Variants in ACSS3 observed in about 807,000 individuals in gnomAD.
ACSS3 encodes acyl-CoA synthetase short-chain family member 3, mitochondrial.
Under a neutral mutation model 84.2 loss-of-function variants are expected in ACSS3, and 64 were observed. That is an observed-to-expected ratio of 0.76 (90% CI 0.62 to 0.94). ACSS3 has a LOEUF of 0.94. ACSS3 is among the 40% of genes least tolerant of loss of function. ACSS3 has a pLI of 0.00. For missense variants in ACSS3, 815 were observed against 867.6 expected, an observed-to-expected ratio of 0.94 and a Z score of 0.76; for synonymous variants, 317 against 310.1, an observed-to-expected ratio of 1.02 and a Z score of -0.23.
intron 4 of ACSS3, among the ~76,000 whole-genome samples, chr12:81,142,010 G>A (rs1171066045): frequency 1.3e-5 from 2 of 152,146 alleles, no homozygotes; most frequent in Non-Finnish European, 2.9e-5. Flanking sequence ...TTATATTGAA[G>A]TATTAATTGG....
chr12:81,243,619 G>T (rs946071224), intron 13 of ACSS3, among the ~76,000 whole-genome samples: 1 of 152,062 alleles, frequency 6.6e-6, no homozygotes, highest in Non-Finnish European at 1.5e-5. Flanking sequence ...ATACTACAAG[G>T]CTACAGTAAC....
chr12:81,088,559 GTTTAA>G (rs1881471030), intron 1 of ACSS3, among the ~76,000 whole-genome samples: 1 of 151,808 alleles, frequency 6.6e-6, no homozygotes, highest in Non-Finnish European at 1.5e-5. Context: ...GTTTTAATTT[GTTTAA>G]TATTTATAAC....
chr12:81,153,150 A>G (rs890620578), intron 7 of ACSS3, among the ~76,000 whole-genome samples: 1 of 152,162 alleles, frequency 6.6e-6, no homozygotes, highest in African/African-American at 2.4e-5. Flanking sequence ...GCTTATGCCT[A>G]TAATCCCAGC....
At chr12:81,101,172 A>G (rs769192310) in intron 1 of ACSS3, among the ~76,000 whole-genome samples, 3 of 152,306 alleles carry the variant, frequency 2.0e-5, no homozygotes, top group Non-Finnish European at 4.4e-5. Flanking sequence ...AGTGGAAGAA[A>G]TGCTTCTTTT....
chr12:81,212,945 C>T (rs1010236279), intron 9 of ACSS3, among the ~76,000 whole-genome samples: 1 of 152,162 alleles, frequency 6.6e-6, no homozygotes, highest in Non-Finnish European at 1.5e-5. Context: ...CATCTTCTTC[C>T]TAGCTGTCTC....
rs547546842 is a variant in ACSS3, at chr12:81,244,592, G to C, written c.1720-8715G>C. 3.3e-5 allele frequency among the ~76,000 whole-genome samples: 5 copies of C among 151,924 alleles called. No individual in the cohort carries two copies. In the South Asian group the frequency reaches 1.0e-3, roughly 32 times the overall value. ...TTTTTTCTCTTTGATTTTTGGTTTT[G>C]GAGGTTTCTATTGATACATCCTCAA... is the stretch of plus-strand genomic sequence containing the variant. On this transcript the variant is annotated intron_variant, in intron 13 of 15. Coordinates refer to ENST00000548058, the MANE Select transcript of ACSS3 (RefSeq NM_024560.4).
Position 81,151,834 on chromosome 12 carries a change from C to A in ACSS3, c.922-10C>A. On this transcript the variant is annotated splice_polypyrimidine_tract_variant and intron_variant, in intron 5 of 15. Transcript: ENST00000548058. The stretch of plus-strand genomic sequence containing the variant: ...TTTATTGATTTTAATTTCACTTTTT[C>A]TCTCCTTAGGGTGTGATTAGGCCCA... 1 of 1,604,668 alleles carries A rather than the reference C, an allele frequency of 6.2e-7. No individual in the cohort carries two copies. The highest frequency in any genetic ancestry group is 8.5e-7 in the Non-Finnish European group (1 of 1,176,250).
chr12:81,128,180 A>AT lies in ACSS3; in HGVS notation c.457-6626dup, dbSNP rs36069410. Among the ~76,000 whole-genome samples, 181 of 149,814 alleles carry AT rather than the reference A, an allele frequency of 1.2e-3. 1 individual carries two copies. The highest frequency in any genetic ancestry group is 2.0e-3 in the Admixed American group (30 of 14,972). ...TTTACAATTATTATTCCTGTATGTG[A>AT]TTTTTTTTTTCCAGACTCCAAATTT... On this transcript the variant is annotated intron_variant, in intron 2 of 15. Coordinates refer to ENST00000548058, the MANE Select transcript of ACSS3 (RefSeq NM_024560.4).
intron 8 of ACSS3, among the ~76,000 whole-genome samples, chr12:81,180,618 C>T (rs913880150): frequency 4.6e-5 from 7 of 152,076 alleles, no homozygotes; most frequent in African/African-American, 1.2e-4. Flanking sequence ...CAGGTTCAAG[C>T]GATTCTCCTG....
chr12:81,093,243 A>T (rs1363412991), intron 1 of ACSS3, among the ~76,000 whole-genome samples: 4 of 152,074 alleles, frequency 2.6e-5, no homozygotes, highest in Non-Finnish European at 2.9e-5. Context: ...TGGGGTCAGG[A>T]GTTCGAGACC....
At chr12:81,198,455 G>A (rs927001783) in intron 8 of ACSS3, among the ~76,000 whole-genome samples, 4 of 151,908 alleles carry the variant, frequency 2.6e-5, no homozygotes, top group South Asian at 2.1e-4. Context: ...AATATACTAC[G>A]TTGTTCAGGA....
intron 8 of ACSS3, 26 bp from the exon 9 acceptor site, chr12:81,199,315 A>G: frequency 1.9e-6 from 3 of 1,568,902 alleles, no homozygotes; most frequent in Non-Finnish European, 2.6e-6. Flanking sequence ...TCCAGGAATA[A>G]TTTGAATTCA....
At position 81,147,866 on chromosome 12, in the gene ACSS3, TAC is replaced by T. The variant is rs149709961; in HGVS notation, c.922-3958_922-3957del. The stretch of plus-strand genomic sequence containing the variant: ...ATTGTTTCTTGTCAGGCTGAATTGA[TAC>T]ACACACACACACACACACAAACGCA... On this transcript the variant is annotated intron_variant, in intron 5 of 15. Transcript: ENST00000548058. Among the ~76,000 whole-genome samples, 661 of 148,714 alleles carry T rather than the reference TAC, an allele frequency of 4.4e-3. 7 individuals are homozygous for T. The highest frequency in any genetic ancestry group is 0.014 in the African/African-American group (573 of 40,680).
intron 11 of ACSS3, among the ~76,000 whole-genome samples, chr12:81,224,298 C>A (rs976939429): frequency 1.3e-5 from 2 of 151,880 alleles, no homozygotes; most frequent in Non-Finnish European, 2.9e-5. Context: ...AAAAAATATT[C>A]TTTTTCTATA....
Position 81,190,103 on chromosome 12 carries a change from A to G in ACSS3, c.1251-9238A>G, listed in dbSNP as rs557184255. Among the ~76,000 whole-genome samples, 10 of 152,294 alleles carry G rather than the reference A, an allele frequency of 6.6e-5. No homozygotes were observed. The South Asian group carries it at 8.3e-4, about 13-fold the overall frequency. On this transcript the variant is annotated intron_variant, in intron 8 of 15. Transcript: ENST00000548058. The stretch of plus-strand genomic sequence containing the variant: ...TAACAGATCTTTATCTACTATTAAT[A>G]TATCAAGCTTATTCTTTTTCAAATT...
chr12:81,167,335 G>T lies in ACSS3; in HGVS notation c.1099-7453G>T, dbSNP rs1490973057. Among the ~76,000 whole-genome samples, 12 of 152,224 alleles carry T rather than the reference G, an allele frequency of 7.9e-5. No homozygotes were observed. The East Asian group carries it at 2.1e-3, about 27-fold the overall frequency. ...GACGAGAGAAGAACCAAACCAAAAG[G>T]ATAGATCTAGACCATTTAGGATACA... is the stretch of plus-strand genomic sequence containing the variant. On this transcript the variant is annotated intron_variant, in intron 7 of 15. Coordinates refer to ENST00000548058, the MANE Select transcript of ACSS3 (RefSeq NM_024560.4).
intron 1 of ACSS3, among the ~76,000 whole-genome samples, chr12:81,103,180 C>T (rs1593045496): frequency 1.3e-5 from 2 of 152,260 alleles, no homozygotes; most frequent in Admixed American, 6.5e-5. Flanking sequence ...GAGAATTCCT[C>T]AGGCCCTTGG....
At chr12:81,088,333 G>A (rs1322989628) in intron 1 of ACSS3, among the ~76,000 whole-genome samples, 2 of 152,096 alleles carry the variant, frequency 1.3e-5, no homozygotes, top group East Asian at 1.9e-4. Context: ...GTTACCGTAT[G>A]GCATAATCCA....
intron 1 of ACSS3, among the ~76,000 whole-genome samples, chr12:81,098,151 A>AGAGTGT (rs369995298): frequency 0.084 from 10,751 of 128,734 alleles, 556 homozygotes; most frequent in East Asian, 0.23. Context: ...AGAGAGAGAG[A>AGAGTGT]GTGTGTGTGT....
Sources: allele counts gnomAD v4.1 joint callset (sites outside exome capture counted in the v4.1 genomes callset), GRCh38; gene constraint gnomAD v4.1.1; transcripts MANE v1.5; gene names NCBI Gene and HGNC (gene_info 2026-07-23, HGNC 2026-07-21).